Variants in COL21A1 observed in about 807,000 individuals in gnomAD.
The protein encoded by COL21A1 is collagen alpha-1(XXI) chain.
COL21A1 carries 149 observed loss-of-function variants against 137.9 expected under a neutral mutation model. The ratio of observed to expected loss-of-function variants is 1.08; its 90% CI spans 0.95 to 1.24. The LOEUF (loss-of-function observed/expected upper bound fraction) is 1.24. COL21A1 is among the 50% of genes most tolerant of loss of function. The pLI, the probability that COL21A1 is intolerant of heterozygous loss-of-function variation, is 0.00. For synonymous variants in COL21A1, 456 were observed against 391.5 expected, an observed-to-expected ratio of 1.16 and a Z score of -1.95; for missense variants, 1,167 against 1,158.4, an observed-to-expected ratio of 1.01 and a Z score of -0.11.
intron 1 of COL21A1, among the ~76,000 whole-genome samples, chr6:56,306,917 C>T (rs1264772692): frequency 6.6e-6 from 1 of 152,134 alleles, no homozygotes; most frequent in Non-Finnish European, 1.5e-5. Context: ...GATGTCCTTT[C>T]TGTTTGTTAG....
intron 18 of COL21A1, 94 bp from the exon 19 acceptor site, chr6:56,075,626 A>G: frequency 5.7e-6 from 5 of 879,664 alleles, no homozygotes; most frequent in Non-Finnish European, 8.5e-6. Context: ...TGACAATTGA[A>G]TATCAATCAG....
At chr6:56,287,074 G>A (rs912047080) in intron 1 of COL21A1, among the ~76,000 whole-genome samples, 5 of 152,128 alleles carry the variant, frequency 3.3e-5, no homozygotes, top group African/African-American at 9.7e-5. Flanking sequence ...TCTATGAGTA[G>A]ATTTCCATAT....
chr6:56,090,338 G>C (rs1768682976), intron 17 of COL21A1, among the ~76,000 whole-genome samples: 1 of 152,196 alleles, frequency 6.6e-6, no homozygotes, highest in African/African-American at 2.4e-5. Flanking sequence ...GTTATTGTTT[G>C]ATGGTAGTCC....
chr6:56,132,327 G>A (rs1020665990), intron 12 of COL21A1, among the ~76,000 whole-genome samples: 1 of 152,006 alleles, frequency 6.6e-6, no homozygotes, highest in Non-Finnish European at 1.5e-5. Context: ...ACTGAAATGT[G>A]AATAGCAATT....
intron 1 of COL21A1, among the ~76,000 whole-genome samples, chr6:56,189,079 C>G (rs1011995707): frequency 1.3e-5 from 2 of 152,022 alleles, no homozygotes; most frequent in African/African-American, 4.8e-5. Flanking sequence ...GATCACAACT[C>G]TTCTCCAGCA....
intron 17 of COL21A1, among the ~76,000 whole-genome samples, chr6:56,089,891 A>C (rs1285178118): frequency 6.6e-6 from 1 of 152,210 alleles, no homozygotes; most frequent in Non-Finnish European, 1.5e-5. Flanking sequence ...TAGAAAAGAG[A>C]AAAAATCAAA....
intron 10 of COL21A1, among the ~76,000 whole-genome samples, chr6:56,145,123 C>G (rs1056431963): frequency 1.3e-5 from 2 of 152,158 alleles, no homozygotes; most frequent in Non-Finnish European, 2.9e-5. Context: ...ATGGCAGGTC[C>G]AGTCATCATC....
At chr6:56,279,928 C>T (rs140441649) in intron 1 of COL21A1, among the ~76,000 whole-genome samples, 104 of 152,272 alleles carry the variant, frequency 6.8e-4, no homozygotes, top group African/African-American at 2.4e-3. Context: ...TGATAAATCA[C>T]CTAGTCCCTC....
intron 1 of COL21A1, among the ~76,000 whole-genome samples, chr6:56,381,372 C>T (rs1390054646): frequency 1.3e-5 from 2 of 152,154 alleles, no homozygotes; most frequent in Non-Finnish European, 2.9e-5. Flanking sequence ...TGGACCTCTG[C>T]CCAAGCAGAA....
intron 1 of COL21A1, among the ~76,000 whole-genome samples, chr6:56,230,223 T>C (rs1372468937): frequency 6.6e-6 from 1 of 151,968 alleles, no homozygotes; most frequent in Non-Finnish European, 1.5e-5. Context: ...TAGGTTTTTC[T>C]AGTCCAGTGT....
chr6:56,293,922 G>A (rs1764109879), intron 1 of COL21A1, among the ~76,000 whole-genome samples: 1 of 152,184 alleles, frequency 6.6e-6, no homozygotes, highest in Non-Finnish European at 1.5e-5. Flanking sequence ...AACTGAACTT[G>A]AACTGTAACA....
intron 12 of COL21A1, among the ~76,000 whole-genome samples, chr6:56,128,384 T>G (rs553576553): frequency 6.6e-6 from 1 of 152,286 alleles, no homozygotes; most frequent in Admixed American, 6.5e-5. Context: ...AACGTTCCTG[T>G]GATATTTGGT....
chr6:56,115,151 T>C (rs1582395459), intron 16 of COL21A1, among the ~76,000 whole-genome samples: 1 of 17,898 alleles, frequency 5.6e-5, no homozygotes, highest in South Asian at 2.1e-3. Flanking sequence ...GGGACTGTTG[T>C]GGGGTGGGGG....
chr6:56,276,397 T>C, intron 1 of COL21A1: 1 of 556,114 alleles, frequency 1.8e-6, no homozygotes, highest in East Asian at 3.0e-5. Context: ...GAAATAATTT[T>C]TAAAAAGGTT....
chr6:56,060,780 C>A lies in COL21A1; in HGVS notation c.2368G>T (p.Glu790Ter). The change falls in exon 27 of 30, where the codon GAA becomes TAA. Residue 790 changes from glutamate to a stop codon, truncating the protein, a stop_gained. Transcript: ENST00000244728. LOFTEE classifies it high-confidence loss of function. ...LDGKPGREFS[E>*]QFIRQVCTDV... ...GTGCAAACTTGTCGAATAAATTGTT[C>A]TGAAAACTCTCTTCCCTGCATCAAA... 1.2e-6 allele frequency: 2 copies of A among 1,609,954 alleles called. No homozygotes were observed. Among genetic ancestry groups the A allele is most frequent in the Non-Finnish European group, 1.7e-6 (2 of 1,178,812 alleles).
At chr6:56,349,028 C>T (rs1765654510) in intron 1 of COL21A1, among the ~76,000 whole-genome samples, 1 of 152,114 alleles carries the variant, frequency 6.6e-6, no homozygotes, top group South Asian at 2.1e-4. Flanking sequence ...AGAACACTGA[C>T]CTTCCTTTTA....
chr6:56,185,668 C>T (rs954310567), intron 1 of COL21A1, among the ~76,000 whole-genome samples: 1 of 151,856 alleles, frequency 6.6e-6, no homozygotes, highest in African/African-American at 2.4e-5. Context: ...ATCTCCTGAC[C>T]TCATGATCCA....
chr6:56,176,519 A>T (rs915957364), intron 3 of COL21A1, among the ~76,000 whole-genome samples: 4 of 151,996 alleles, frequency 2.6e-5, no homozygotes, highest in Non-Finnish European at 5.9e-5. Flanking sequence ...AAAATGTCCA[A>T]CATCACTAAT....
At chr6:56,112,338 G>A (rs1467473243) in intron 16 of COL21A1, among the ~76,000 whole-genome samples, 2 of 152,104 alleles carry the variant, frequency 1.3e-5, no homozygotes, top group African/African-American at 4.8e-5. Context: ...TCCACCGATT[G>A]TCACCCCCTC....
Sources: gnomAD v4.1 joint callset for allele counts (sites outside exome capture counted in the v4.1 genomes callset) on GRCh38, gnomAD v4.1.1 for gene constraint, MANE v1.5 for transcripts, NCBI Gene and HGNC (gene_info 2026-07-23, HGNC 2026-07-21) for gene names.